The following AUH variants were observed in gnomAD, a reference collection of about 807,000 sequenced individuals.
AUH encodes AU RNA binding methylglutaconyl-CoA hydratase, also known as methylglutaconyl-CoA hydratase, mitochondrial.
AUH carries 29 observed loss-of-function variants against 42.3 expected under a neutral mutation model. The observed-to-expected ratio is 0.69, with a 90% confidence interval of 0.51 to 0.93. AUH has a LOEUF of 0.93. AUH is among the 40% of genes least tolerant of loss of function. The pLI, the probability that AUH is intolerant of heterozygous loss-of-function variation, is 0.00. For missense variants in AUH, 452 were observed against 438.1 expected (o/e 1.03, Z -0.28); for synonymous variants, 174 against 166.4 (o/e 1.05, Z -0.35).
chr9:91,217,891 A>G (rs1210213603), intron 7 of AUH, among the ~76,000 whole-genome samples: 1 of 152,202 alleles, frequency 6.6e-6, no homozygotes, highest in Admixed American at 6.5e-5. Context: ...GTCTTTCAGG[A>G]TGCAGAAGAG....
intron 6 of AUH, among the ~76,000 whole-genome samples, chr9:91,268,324 C>G (rs552488486): frequency 6.6e-6 from 1 of 152,080 alleles, no homozygotes; most frequent in Non-Finnish European, 1.5e-5. Context: ...AAACTCATTC[C>G]AACATAACTC....
intron 4 of AUH, among the ~76,000 whole-genome samples, chr9:91,317,715 C>T (rs946868737): frequency 2.0e-5 from 3 of 152,224 alleles, no homozygotes; most frequent in African/African-American, 7.2e-5. Context: ...GTCCTCTTGC[C>T]TTGTTCCTGA....
intron 1 of AUH, chr9:91,357,443 G>A: frequency 1.1e-5 from 10 of 929,732 alleles, no homozygotes; most frequent in Non-Finnish European, 1.2e-5. Flanking sequence ...AAGCAGCTAA[G>A]ACTAGATGTG....
chr9:91,267,257 C>T (rs1241029245), intron 6 of AUH, among the ~76,000 whole-genome samples: 1 of 152,116 alleles, frequency 6.6e-6, no homozygotes, highest in African/African-American at 2.4e-5. Flanking sequence ...CTTTGCAATA[C>T]AGATACTATC....
chr9:91,274,766 T>C, intron 6 of AUH, among the ~76,000 whole-genome samples: 1 of 152,144 alleles, frequency 6.6e-6, no homozygotes, highest in East Asian at 1.9e-4. Context: ...ATATATAAAA[T>C]TAAAGCATAG....
chr9:91,325,714 A>G (rs1179844101), intron 3 of AUH, among the ~76,000 whole-genome samples: 1 of 152,238 alleles, frequency 6.6e-6, no homozygotes, highest in African/African-American at 2.4e-5. Context: ...ATTAGAAATC[A>G]AAACTAAGAA....
intron 4 of AUH, among the ~76,000 whole-genome samples, chr9:91,322,958 T>C (rs75968313): frequency 0.014 from 2,175 of 152,312 alleles, 52 homozygotes; most frequent in African/African-American, 0.05. Context: ...TCCCGATGCA[T>C]ATTTTAAAAG....
chr9:91,318,912 T>C (rs929258669), intron 4 of AUH, among the ~76,000 whole-genome samples: 8 of 152,342 alleles, frequency 5.3e-5, no homozygotes, highest in Admixed American at 5.2e-4. Context: ...CTCTTTATCA[T>C]ACCTCACTCT....
chr9:91,241,198 C>T (rs1355893102), intron 6 of AUH, among the ~76,000 whole-genome samples: 1 of 152,110 alleles, frequency 6.6e-6, no homozygotes, highest in African/African-American at 2.4e-5. Flanking sequence ...TCCAGAGAAA[C>T]AAAACTAATA....
intron 6 of AUH, among the ~76,000 whole-genome samples, chr9:91,223,702 C>A (rs917897312): frequency 2.6e-5 from 4 of 152,278 alleles, no homozygotes; most frequent in Middle Eastern, 3.4e-3. Flanking sequence ...AACAAGAATT[C>A]CAATTTCTCT....
At chr9:91,236,370 C>G (rs964598574) in intron 6 of AUH, among the ~76,000 whole-genome samples, 1 of 152,116 alleles carries the variant, frequency 6.6e-6, no homozygotes, top group Non-Finnish European at 1.5e-5. Flanking sequence ...CATAACACTA[C>G]GTAAATCCTC....
intron 6 of AUH, among the ~76,000 whole-genome samples, chr9:91,269,137 T>C (rs576595956): frequency 2.2e-4 from 34 of 152,254 alleles, no homozygotes; most frequent in African/African-American, 8.2e-4. Context: ...TGCGCCACCA[T>C]GCCCAGCTAA....
At chr9:91,242,212 C>T (rs901563453) in intron 6 of AUH, among the ~76,000 whole-genome samples, 3 of 152,182 alleles carry the variant, frequency 2.0e-5, no homozygotes, top group African/African-American at 7.2e-5. Flanking sequence ...GCTTCTAAGT[C>T]AACATGGCCA....
At position 91,214,316 on chromosome 9, in the gene AUH, T is replaced by A; in HGVS notation, c.*32A>T. ...AAGACACTTCCAGGAAGTACATTTA[T>A]TACATTGGCATCTTAAGAATTTCTG... On this transcript the variant is annotated 3_prime_UTR_variant, in exon 10 of 10. Transcript: ENST00000375731. 1 of 1,556,594 alleles carries A rather than the reference T, an allele frequency of 6.4e-7. No homozygotes were observed. Among genetic ancestry groups the A allele is most frequent in the Non-Finnish European group, 8.8e-7 (1 of 1,134,718 alleles).
chr9:91,231,257 C>T (rs373810632), intron 6 of AUH, among the ~76,000 whole-genome samples: 18 of 152,160 alleles, frequency 1.2e-4, no homozygotes, highest in African/African-American at 3.9e-4. Context: ...CGTGGTGCGC[C>T]GTTTTTTAAG....
chr9:91,315,512 G>A (rs1034020121), intron 4 of AUH, among the ~76,000 whole-genome samples: 1 of 152,104 alleles, frequency 6.6e-6, no homozygotes, highest in Admixed American at 6.6e-5. Context: ...CCAGAGTGTG[G>A]GAATAGCCAC....
rs527540109 is a variant in AUH at position 91,289,743 on chromosome 9, G to A, written c.655+6278C>T. On this transcript the variant is annotated intron_variant, in intron 6 of 9. Coordinates refer to ENST00000375731, the MANE Select transcript of AUH (RefSeq NM_001698.3). The stretch of plus-strand genomic sequence containing the variant: ...CTACAACAAAGGAAAGAGGAGAAAG[G>A]AGATGGCAAAAATATCTATGGATAA... Among the ~76,000 whole-genome samples, 3 of 152,268 alleles carry A rather than the reference G, an allele frequency of 2.0e-5. 1 individual carries two copies. The South Asian group carries it at 6.2e-4, about 32-fold the overall frequency.
At chr9:91,265,557 G>A (rs1400801125) in intron 6 of AUH, among the ~76,000 whole-genome samples, 3 of 152,160 alleles carry the variant, frequency 2.0e-5, no homozygotes, top group African/African-American at 7.2e-5. Context: ...ACTCGTGTCA[G>A]TTGGCATATT....
At chr9:91,350,475 T>C (rs1254837241) in intron 3 of AUH, among the ~76,000 whole-genome samples, 1 of 152,184 alleles carries the variant, frequency 6.6e-6, no homozygotes, top group South Asian at 2.1e-4. Flanking sequence ...AATGTTGTAA[T>C]GGGTCGGGCA....
Sources: gnomAD v4.1 joint callset for allele counts (sites outside exome capture counted in the v4.1 genomes callset) on GRCh38, gnomAD v4.1.1 for gene constraint, MANE v1.5 for transcripts, NCBI Gene and HGNC (gene_info 2026-07-23, HGNC 2026-07-21) for gene names.